DAPK1: variants seen among roughly 807,000 people sequenced by gnomAD.
DAPK1 encodes the protein death-associated protein kinase 1.
A neutral mutation model predicts 144.9 loss-of-function variants in DAPK1; 56 were observed. That is an observed-to-expected ratio of 0.39 (90% confidence interval 0.31 to 0.48). The LOEUF (loss-of-function observed/expected upper bound fraction) is 0.48, where lower values mean the gene tolerates loss of function less well. DAPK1 is among the 20% of genes least tolerant of loss of function. The pLI, the probability that DAPK1 is intolerant of heterozygous loss-of-function variation, is 0.95. For missense variants in DAPK1, 1,454 were observed against 1,875.4 expected (o/e 0.78, Z 4.15); for synonymous variants, 690 against 749.0 (o/e 0.92, Z 1.29).
chr9:87,506,559 C>T (rs1012500988), intron 2 of DAPK1, among the ~76,000 whole-genome samples: 3 of 152,192 alleles, frequency 2.0e-5, no homozygotes, highest in Non-Finnish European at 2.9e-5. Flanking sequence ...GTCTCTGACC[C>T]GTGCACCTAC....
At chr9:87,538,278 T>C (rs1825927046) in intron 2 of DAPK1, among the ~76,000 whole-genome samples, 1 of 152,102 alleles carries the variant, frequency 6.6e-6, no homozygotes, top group Non-Finnish European at 1.5e-5. Flanking sequence ...CCTTTAATTA[T>C]CAAACTAATA....
intron 2 of DAPK1, among the ~76,000 whole-genome samples, chr9:87,509,195 TAATGGGTGCTGCTCATGTTGGAGATGCTG>T (rs1824734355): frequency 6.6e-6 from 1 of 152,228 alleles, no homozygotes; most frequent in Non-Finnish European, 1.5e-5. Context: ...AACAGACTTT[TAATGGGTGCTGCTCATGTTGGAGATGCTG>T]AATGGTATAT....
At chr9:87,560,053 C>T (rs997856748) in intron 2 of DAPK1, among the ~76,000 whole-genome samples, 1 of 150,060 alleles carries the variant, frequency 6.7e-6, no homozygotes, top group South Asian at 2.1e-4. Flanking sequence ...CGCCCAGGCT[C>T]GATCTTGGCT....
intron 2 of DAPK1, among the ~76,000 whole-genome samples, chr9:87,564,173 A>T (rs985788061): frequency 6.6e-6 from 1 of 152,036 alleles, no homozygotes; most frequent in Admixed American, 6.6e-5. Context: ...TCTGATGCTG[A>T]CCTCTGTAGG....
At chr9:87,599,132 C>T (rs965970164) in intron 2 of DAPK1, among the ~76,000 whole-genome samples, 2 of 152,080 alleles carry the variant, frequency 1.3e-5, no homozygotes, top group Admixed American at 6.5e-5. Context: ...ATAATATGTA[C>T]GAGGTCCACA....
intron 14 of DAPK1, among the ~76,000 whole-genome samples, chr9:87,647,753 T>C (rs1325793374): frequency 1.3e-5 from 2 of 152,242 alleles, no homozygotes; most frequent in African/African-American, 4.8e-5. Flanking sequence ...ATCTCTCCTA[T>C]TCTCTTCTTC....
intron 2 of DAPK1, among the ~76,000 whole-genome samples, chr9:87,566,409 T>C (rs559939646): frequency 6.6e-6 from 1 of 152,204 alleles, no homozygotes; most frequent in South Asian, 2.1e-4. Flanking sequence ...TCTTGTTCTT[T>C]AGGAAAGTAG....
intron 2 of DAPK1, among the ~76,000 whole-genome samples, chr9:87,557,739 G>A (rs1826770393): frequency 1.3e-5 from 2 of 152,262 alleles, no homozygotes; most frequent in Middle Eastern, 3.4e-3. Flanking sequence ...TCAGGAGTTC[G>A]AGAACAGCCT....
intron 2 of DAPK1, among the ~76,000 whole-genome samples, chr9:87,511,564 A>C (rs1453307147): frequency 6.6e-6 from 1 of 152,138 alleles, no homozygotes; most frequent in African/African-American, 2.4e-5. Flanking sequence ...GCTTTGAGGG[A>C]TATCATCCTG....
intron 2 of DAPK1, among the ~76,000 whole-genome samples, chr9:87,528,104 C>T (rs1563976261): frequency 6.6e-6 from 1 of 152,252 alleles, no homozygotes; most frequent in African/African-American, 2.4e-5. Context: ...GAGCAGCATA[C>T]TTTAAACACT....
chr9:87,666,875 G>A (rs1332749113), intron 18 of DAPK1, among the ~76,000 whole-genome samples: 4 of 152,154 alleles, frequency 2.6e-5, no homozygotes, highest in East Asian at 1.9e-4. Flanking sequence ...TTTTGTGCGC[G>A]TCTGAGCTCT....
intron 18 of DAPK1, among the ~76,000 whole-genome samples, chr9:87,664,424 A>C (rs1214143237): frequency 6.6e-6 from 1 of 152,158 alleles, no homozygotes; most frequent in Non-Finnish European, 1.5e-5. Flanking sequence ...GAGACTTGGA[A>C]TGCCCGCTAC....
chr9:87,666,021 G>A (rs1343001458), intron 18 of DAPK1, among the ~76,000 whole-genome samples: 1 of 152,280 alleles, frequency 6.6e-6, no homozygotes, highest in African/African-American at 2.4e-5. Flanking sequence ...CCTCCGTCGG[G>A]GTGTCCAGTA....
rs1422700289 is a variant in DAPK1 at position 87,708,148 on chromosome 9, G to T, written c.*784G>T. The T allele has an allele frequency of 3.9e-6, 1 of 257,612 alleles. No homozygotes were observed. Among genetic ancestry groups the T allele is most frequent in the Non-Finnish European group, 7.6e-6 (1 of 130,808 alleles). 16.0% of individuals were successfully genotyped at this position (257,612 alleles called of 1,614,324 possible). On this transcript the variant is annotated 3_prime_UTR_variant, in exon 26 of 26. Transcript: ENST00000408954. ...GGAAGACATTTTTCCGTTTGCTTTTGTTCCAATGTCAATGTGAACGTCCAC... is the reference window on the plus strand; with the variant it reads ...GGAAGACATTTTTCCGTTTGCTTTTTTTCCAATGTCAATGTGAACGTCCAC...
At chr9:87,509,757 T>C (rs1824760788) in intron 2 of DAPK1, among the ~76,000 whole-genome samples, 1 of 152,248 alleles carries the variant, frequency 6.6e-6, no homozygotes, top group African/African-American at 2.4e-5. Context: ...ACAGTCAGTG[T>C]GTGAACTGCT....
At chr9:87,697,265 T>A in intron 22 of DAPK1, 61 bp downstream of exon 22, 2 of 782,254 alleles carry the variant, frequency 2.6e-6, no homozygotes, top group Non-Finnish European at 4.6e-6. Flanking sequence ...AATCGCCTCC[T>A]CCTTCCAGGC....
chr9:87,506,584 C>T (rs971144814), intron 2 of DAPK1, among the ~76,000 whole-genome samples: 1 of 152,228 alleles, frequency 6.6e-6, no homozygotes, highest in Non-Finnish European at 1.5e-5. Context: ...CACTGACCAA[C>T]AGTTTCTCAT....
intron 2 of DAPK1, among the ~76,000 whole-genome samples, chr9:87,566,011 C>T (rs1053462327): frequency 7.0e-6 from 1 of 143,160 alleles, no homozygotes; most frequent in Non-Finnish European, 1.5e-5. Context: ...GTCTCTCTGT[C>T]TCAGCATTCT....
chr9:87,679,152 G>A (rs779229391), intron 19 of DAPK1, among the ~76,000 whole-genome samples: 3 of 151,486 alleles, frequency 2.0e-5, no homozygotes, highest in Admixed American at 6.6e-5. Flanking sequence ...GGTTTATGGC[G>A]ATTCTACACC....
Sources: gnomAD v4.1 joint callset for allele counts (sites outside exome capture counted in the v4.1 genomes callset) on GRCh38, gnomAD v4.1.1 for gene constraint, MANE v1.5 for transcripts, NCBI Gene and HGNC (gene_info 2026-07-23, HGNC 2026-07-21) for gene names.